The following TRDN variants were observed in gnomAD, a reference collection of about 807,000 sequenced individuals.
TRDN encodes triadin in skeletal muscle.
A neutral mutation model predicts 149.7 loss-of-function variants in TRDN; 161 were observed. The observed-to-expected ratio is 1.08, with a 90% CI of 0.95 to 1.23. The LOEUF is 1.23. Among genes scored for constraint, TRDN ranks in the 50% most tolerant of loss-of-function variants. The pLI is 0.00. For synonymous variants in TRDN, 294 were observed against 250.5 expected, an observed-to-expected ratio of 1.17 and a Z score of -1.64; for missense variants, 896 against 823.5, an observed-to-expected ratio of 1.09 and a Z score of -1.08.
chr6:123,339,445 T>C (rs1779989480), intron 21 of TRDN, among the ~76,000 whole-genome samples: 1 of 152,180 alleles, frequency 6.6e-6, no homozygotes, highest in Admixed American at 6.5e-5. Context: ...AGGAAGACAT[T>C]ATTTCTGTTT....
chr6:123,346,899 G>A (rs1223468149), intron 21 of TRDN, among the ~76,000 whole-genome samples: 2 of 151,730 alleles, frequency 1.3e-5, no homozygotes, highest in African/African-American at 2.4e-5. Flanking sequence ...GAAAATGAAA[G>A]AAGACTTCAC....
chr6:123,636,551 G>A (rs1036217012), intron 1 of TRDN, among the ~76,000 whole-genome samples: 4 of 151,924 alleles, frequency 2.6e-5, no homozygotes, highest in African/African-American at 4.8e-5. Context: ...CAAAATTTAA[G>A]AGAAATCTCT....
chr6:123,548,045 G>T (rs1473220960), intron 3 of TRDN, among the ~76,000 whole-genome samples: 1 of 151,926 alleles, frequency 6.6e-6, no homozygotes, highest in Non-Finnish European at 1.5e-5. Flanking sequence ...TATGACATAT[G>T]TGTATAAAAC....
At chr6:123,379,162 T>A (rs1364323510) in intron 16 of TRDN, among the ~76,000 whole-genome samples, 3 of 152,186 alleles carry the variant, frequency 2.0e-5, no homozygotes, top group Admixed American at 2.0e-4. Context: ...ATGTTCATAC[T>A]GAAAGAACTC....
At chr6:123,294,106 G>A (rs2114656312) in intron 24 of TRDN, among the ~76,000 whole-genome samples, 1 of 152,288 alleles carries the variant, frequency 6.6e-6, no homozygotes, top group East Asian at 1.9e-4. Context: ...TAATAGACTA[G>A]TGTTGGATTA....
intron 23 of TRDN, among the ~76,000 whole-genome samples, chr6:123,318,833 C>G (rs1219342595): frequency 1.3e-5 from 2 of 151,998 alleles, no homozygotes; most frequent in African/African-American, 4.8e-5. Flanking sequence ...CAACCAGAAC[C>G]AACTTCGATC....
Position 123,547,364 on chromosome 6 carries a change from C to A in TRDN, c.400G>T (p.Asp134Tyr). 1 of 1,456,584 alleles carries A rather than the reference C, an allele frequency of 6.9e-7. No individual in the cohort carries two copies. Among genetic ancestry groups the A allele is most frequent in the Admixed American group, 2.6e-5 (1 of 38,138 alleles). The allele number at this position is 1,456,584 out of a possible 1,614,324, so 90.2% of individuals were successfully genotyped here. ...CCTTTTTTTCTCAAGGGAGGCTCAT[C>A]TATTTCTCCTAGACCAAGATTAAAA... ...GDEDTDKGEI[D>Y]EPPLRKKEIH... Residue 134 changes from aspartate (D) to tyrosine (Y), a missense_variant, in exon 4 of 41, where the codon GAT (aspartate) becomes TAT (tyrosine). Transcript: ENST00000334268.
At chr6:123,281,521 G>C (rs1324653721) in intron 24 of TRDN, among the ~76,000 whole-genome samples, 1 of 151,964 alleles carries the variant, frequency 6.6e-6, no homozygotes, top group Admixed American at 6.6e-5. Flanking sequence ...TCCAGTGGTA[G>C]GAAAGGATAA....
intron 5 of TRDN, among the ~76,000 whole-genome samples, chr6:123,518,821 A>AT (rs1779534655): frequency 6.6e-6 from 1 of 152,262 alleles, no homozygotes; most frequent in South Asian, 2.1e-4. Context: ...GGAGCTGTTC[A>AT]TAATGGCAGA....
chr6:123,535,996 T>C, intron 4 of TRDN, among the ~76,000 whole-genome samples: 1 of 152,136 alleles, frequency 6.6e-6, no homozygotes, highest in Middle Eastern at 3.2e-3. Context: ...GTCAATCTGC[T>C]CAATTCAAAT....
intron 10 of TRDN, among the ~76,000 whole-genome samples, chr6:123,450,258 G>A (rs868717950): frequency 5.9e-5 from 9 of 152,070 alleles, no homozygotes; most frequent in Admixed American, 2.6e-4. Flanking sequence ...GAATGTAAAC[G>A]GCCTAAATGC....
intron 9 of TRDN, among the ~76,000 whole-genome samples, chr6:123,486,626 T>C (rs1189530276): frequency 1.3e-5 from 2 of 151,606 alleles, no homozygotes; most frequent in Non-Finnish European, 1.5e-5. Flanking sequence ...ATCAAAAATA[T>C]AAGCAGATCT....
At chr6:123,384,862 A>G (rs1026652746) in intron 14 of TRDN, among the ~76,000 whole-genome samples, 1 of 152,150 alleles carries the variant, frequency 6.6e-6, no homozygotes, top group African/African-American at 2.4e-5. Flanking sequence ...CTGAAGAGCT[A>G]TTAATACTAG....
At chr6:123,366,383 C>T (rs1781100953) in intron 19 of TRDN, among the ~76,000 whole-genome samples, 1 of 152,168 alleles carries the variant, frequency 6.6e-6, no homozygotes, top group South Asian at 2.1e-4. Flanking sequence ...AAGAAATTCT[C>T]TTCCAAGGTG....
chr6:123,467,346 T>A (rs1776883919), intron 9 of TRDN, among the ~76,000 whole-genome samples: 1 of 150,296 alleles, frequency 6.7e-6, no homozygotes, highest in Admixed American at 6.6e-5. Flanking sequence ...TGGATGCCAA[T>A]ATATATATAT....
chr6:123,252,416 T>C lies in TRDN; in HGVS notation c.1971A>G (p.Val657=), dbSNP rs1303166028. The stretch of plus-strand genomic sequence containing the variant: ...ATTAATACAAACCGTACTTACTTGA[T>C]ACTCTTGCAGGTTTTTCTGCTAAAA... ...NVTKAEKPAR[V]SKDVEDVPAS... The change falls in exon 38 of 41, where the codon GTA becomes GTG. Residue 657 remains valine, a synonymous_variant. Coordinates refer to ENST00000334268, the MANE Select transcript of TRDN (RefSeq NM_006073.4). 2.6e-6 allele frequency: 4 copies of C among 1,520,826 alleles called. No individual in the cohort carries two copies. Among genetic ancestry groups the C allele is most frequent in the Non-Finnish European group, 3.6e-6 (4 of 1,114,926 alleles). 94.2% of individuals were successfully genotyped at this position (1,520,826 alleles called of 1,614,324 possible). A position where few individuals can be genotyped will look rare whatever the true frequency, so the allele number is the denominator to read the frequency against.
intron 5 of TRDN, among the ~76,000 whole-genome samples, chr6:123,516,687 A>T (rs1224615434): frequency 6.6e-6 from 1 of 152,112 alleles, no homozygotes. Context: ...AATATACTGG[A>T]ATAAGACTAT....
chr6:123,255,386 G>A (rs1242072246), intron 36 of TRDN, among the ~76,000 whole-genome samples: 1 of 152,030 alleles, frequency 6.6e-6, no homozygotes, highest in Admixed American at 6.6e-5. Flanking sequence ...CTGATTAACT[G>A]GATTTGGAGA....
At chr6:123,496,930 G>A (rs1181942532) in intron 9 of TRDN, among the ~76,000 whole-genome samples, 1 of 151,982 alleles carries the variant, frequency 6.6e-6, no homozygotes, top group African/African-American at 2.4e-5. Flanking sequence ...CATTATTAAA[G>A]ATTTTAGCAT....
Sources: allele counts gnomAD v4.1 joint callset (sites outside exome capture counted in the v4.1 genomes callset), GRCh38; gene constraint gnomAD v4.1.1; transcripts MANE v1.5; gene names NCBI Gene and HGNC (gene_info 2026-07-23, HGNC 2026-07-21).